BCR: variants seen among roughly 807,000 people sequenced by gnomAD.
BCR encodes BCR activator of RhoGEF and GTPase.
In BCR, 58 loss-of-function variants were observed where a neutral mutation model predicts 138.6. The ratio of observed to expected loss-of-function variants is 0.42; its 90% CI spans 0.34 to 0.52. BCR has a LOEUF of 0.52. Among genes scored for constraint, BCR ranks in the 20% least tolerant of loss-of-function variants. The pLI is 0.06. For missense variants in BCR, 1,599 were observed against 1,727.2 expected (o/e 0.93, Z 1.32); for synonymous variants, 786 against 730.1 (o/e 1.08, Z -1.23).
At chr22:23,286,137 C>T (rs1306750153) in intron 10 of BCR, among the ~76,000 whole-genome samples, 33 of 152,228 alleles carry the variant, frequency 2.2e-4, no homozygotes, top group Admixed American at 2.0e-3. Context: ...GAGGTGCTGG[C>T]TGTCCCCCAT....
intron 1 of BCR, among the ~76,000 whole-genome samples, chr22:23,241,625 G>A (rs1296113491): frequency 6.6e-6 from 1 of 152,052 alleles, no homozygotes. Context: ...TATACCTCAG[G>A]GACTAGAAGC....
intron 8 of BCR, among the ~76,000 whole-genome samples, chr22:23,279,110 C>G (rs747449426): frequency 1.3e-5 from 2 of 152,202 alleles, no homozygotes; most frequent in Admixed American, 1.3e-4. Context: ...ACGTCATGCT[C>G]TTTTCACACC....
chr22:23,273,159 G>A (rs5759671), intron 7 of BCR, 26 bp downstream of exon 7: 77,787 of 1,610,088 alleles, frequency 0.048, 2,098 homozygotes, highest in Middle Eastern at 0.1. Flanking sequence ...CCTCTGGACC[G>A]GGACCAAAAC....
In BCR at chr22:23,316,806, C is replaced by G. The variant is rs150634731; in HGVS notation, c.*1284C>G. 0.14 allele frequency: 11,291 copies of G among 81,726 alleles called. 1,022 individuals carry two copies. Among genetic ancestry groups the G allele is most frequent in the East Asian group, 0.23 (1,104 of 4,762 alleles). 5.1% of individuals were successfully genotyped at this position (81,726 alleles called of 1,614,324 possible). On this transcript the variant is annotated 3_prime_UTR_variant, in exon 23 of 23. Transcript: ENST00000305877. ...ACACCTGCGGGGGAGCCCAGGCATTCTTTGTAAACCCTCCTGACCACCTGG... is the reference window on the plus strand; with the variant it reads ...ACACCTGCGGGGGAGCCCAGGCATTGTTTGTAAACCCTCCTGACCACCTGG...
intron 1 of BCR, among the ~76,000 whole-genome samples, chr22:23,217,770 A>G (rs946511178): frequency 6.6e-6 from 1 of 152,244 alleles, no homozygotes; most frequent in African/African-American, 2.4e-5. Flanking sequence ...ATAAATAAAT[A>G]CATGGGAAAC....
chr22:23,203,176 TTA>T (rs1272566628), intron 1 of BCR, among the ~76,000 whole-genome samples: 1 of 152,160 alleles, frequency 6.6e-6, no homozygotes, highest in Non-Finnish European at 1.5e-5. Context: ...GAATACCTTT[TTA>T]TATGAGTTTC....
chr22:23,303,841 G>A (rs1340266368), intron 16 of BCR, among the ~76,000 whole-genome samples: 1 of 151,290 alleles, frequency 6.6e-6, no homozygotes, highest in Non-Finnish European at 1.5e-5. Flanking sequence ...TTTTATAACC[G>A]AATGATTTTA....
chr22:23,191,570 T>A (rs563672599), intron 1 of BCR, among the ~76,000 whole-genome samples: 2 of 152,326 alleles, frequency 1.3e-5, no homozygotes, highest in South Asian at 4.1e-4. Context: ...GCTTCCTTTT[T>A]AGGGTGATGG....
At chr22:23,271,420 C>A in intron 5 of BCR, 112 bp from the exon 6 acceptor site, 1 of 1,077,010 alleles carries the variant, frequency 9.3e-7, no homozygotes, top group Non-Finnish European at 1.4e-6. Flanking sequence ...TCAGAATGCA[C>A]CTGGGGTTTG....
At chr22:23,264,053 C>A in intron 4 of BCR, 1 of 1,055,804 alleles carries the variant, frequency 9.5e-7, no homozygotes. Context: ...TCTCCTGTGG[C>A]TATGACACCT....
chr22:23,253,773 C>A, intron 1 of BCR, 26 bp from the exon 2 acceptor site: 1 of 1,594,472 alleles, frequency 6.3e-7, no homozygotes. Context: ...CTGTCTCTAA[C>A]ACAGGATGCT....
intron 8 of BCR, among the ~76,000 whole-genome samples, chr22:23,281,397 C>T (rs532961194): frequency 9.5e-4 from 144 of 152,288 alleles, no homozygotes; most frequent in African/African-American, 3.3e-3. Context: ...GAGGACGACT[C>T]GGGTGGGCTA....
In BCR at chr22:23,277,742, C is replaced by T. The variant is rs577869043; in HGVS notation, c.2115+3968C>T. ...GAGCCCTCTGCAGGGTCAGCCACCC[C>T]AGCCCCAGACCCCCACTGTGGCTCC... On this transcript the variant is annotated intron_variant, in intron 8 of 22. Coordinates refer to ENST00000305877, the MANE Select transcript of BCR (RefSeq NM_004327.4). Among the ~76,000 whole-genome samples the T allele has an allele frequency of 1.5e-3, 231 of 152,308 alleles. 1 individual carries two copies. The highest frequency in any genetic ancestry group is 5.4e-3 in the African/African-American group (224 of 41,546).
chr22:23,216,500 A>G (rs2072753808), intron 1 of BCR, among the ~76,000 whole-genome samples: 2 of 152,248 alleles, frequency 1.3e-5, no homozygotes, highest in African/African-American at 2.4e-5. Flanking sequence ...ATCCGATGGT[A>G]AGGATGAAAA....
chr22:23,303,730 C>T (rs921838573), intron 16 of BCR, among the ~76,000 whole-genome samples: 6 of 152,196 alleles, frequency 3.9e-5, no homozygotes, highest in African/African-American at 1.4e-4. Context: ...TCTTGAAGCA[C>T]ACCGCCATCA....
intron 1 of BCR, among the ~76,000 whole-genome samples, chr22:23,207,164 A>G (rs887868350): frequency 6.6e-6 from 1 of 152,154 alleles, no homozygotes; most frequent in Admixed American, 6.5e-5. Flanking sequence ...TCCAAGCACA[A>G]TGCTTAGGCC....
intron 1 of BCR, among the ~76,000 whole-genome samples, chr22:23,212,743 A>T (rs1339330392): frequency 6.6e-6 from 1 of 152,218 alleles, no homozygotes; most frequent in African/African-American, 2.4e-5. Context: ...TCCAATTCTG[A>T]TGGAGAGGGC....
chr22:23,299,355 G>A (rs1008495631), intron 16 of BCR, among the ~76,000 whole-genome samples: 9 of 152,290 alleles, frequency 5.9e-5, no homozygotes, highest in Non-Finnish European at 7.3e-5. Flanking sequence ...TGTCTCATTC[G>A]TCTCGGAATG....
Position 23,317,416 on chromosome 22 carries a change from A to G in BCR, c.*1894A>G, listed in dbSNP as rs2074084683. On this transcript the variant is annotated 3_prime_UTR_variant, in exon 23 of 23. Coordinates refer to ENST00000305877, the MANE Select transcript of BCR (RefSeq NM_004327.4). Reference sequence around the variant, plus strand: ...GGTGGGCTCCCTTGTCCTGGCTTCCATCTCTGTCTCAGCGACCATTCAGCC... The same window carrying G: ...GGTGGGCTCCCTTGTCCTGGCTTCCGTCTCTGTCTCAGCGACCATTCAGCC... 6.0e-6 allele frequency: 1 copy of G among 166,192 alleles called. No homozygotes were observed. The highest frequency in any genetic ancestry group is 1.1e-5 in the Non-Finnish European group (1 of 88,100). 10.3% of individuals were successfully genotyped at this position (166,192 alleles called of 1,614,324 possible).
Sources: gnomAD v4.1 joint callset for allele counts (sites outside exome capture counted in the v4.1 genomes callset) on GRCh38, gnomAD v4.1.1 for gene constraint, MANE v1.5 for transcripts, NCBI Gene and HGNC (gene_info 2026-07-23, HGNC 2026-07-21) for gene names.